The following SH3PXD2B variants were observed in gnomAD, a reference collection of about 807,000 sequenced individuals.
SH3PXD2B encodes SH3 and PX domain-containing protein 2B.
SH3PXD2B carries 37 observed loss-of-function variants against 73.1 expected under a neutral mutation model. The observed-to-expected ratio is 0.51, with a 90% CI of 0.39 to 0.67. The LOEUF (loss-of-function observed/expected upper bound fraction) is 0.67. Among genes scored for constraint, SH3PXD2B ranks in the 30% least tolerant of loss-of-function variants. SH3PXD2B has a pLI of 0.00. For missense variants in SH3PXD2B, 1,053 were observed against 1,197.8 expected, an observed-to-expected ratio of 0.88 and a Z score of 1.78; for synonymous variants, 457 against 480.5, an observed-to-expected ratio of 0.95 and a Z score of 0.64.
At chr5:172,414,629 C>G (rs1044012437) in intron 2 of SH3PXD2B, among the ~76,000 whole-genome samples, 3 of 152,132 alleles carry the variant, frequency 2.0e-5, no homozygotes, top group African/African-American at 4.8e-5. Context: ...ACTGCTCGAG[C>G]CGTAAGCCCC....
intron 12 of SH3PXD2B, among the ~76,000 whole-genome samples, 191 bp downstream of exon 12, chr5:172,345,945 C>A (rs1324085463): frequency 6.6e-6 from 1 of 152,082 alleles, no homozygotes; most frequent in South Asian, 2.1e-4. Flanking sequence ...GGTTGTGCAA[C>A]CCTGTGAATA....
intron 3 of SH3PXD2B, among the ~76,000 whole-genome samples, chr5:172,399,137 C>G (rs1483143178): frequency 6.6e-6 from 1 of 152,212 alleles, no homozygotes; most frequent in Non-Finnish European, 1.5e-5. Flanking sequence ...ACATTCCATA[C>G]TATGGCAAAT....
chr5:172,388,587 G>A (rs146772681), intron 4 of SH3PXD2B, among the ~76,000 whole-genome samples: 3 of 152,304 alleles, frequency 2.0e-5, no homozygotes, highest in African/African-American at 7.2e-5. Flanking sequence ...CAAGCATCAG[G>A]CTGCTGCTAT....
At chr5:172,358,695 T>C in intron 8 of SH3PXD2B, 78 bp downstream of exon 8, 1 of 1,312,882 alleles carries the variant, frequency 7.6e-7, no homozygotes, top group South Asian at 1.3e-5. Context: ...AAGAAGAGAT[T>C]GGATGAAAAG....
At chr5:172,388,938 G>C (rs1758112898) in intron 4 of SH3PXD2B, among the ~76,000 whole-genome samples, 1 of 152,244 alleles carries the variant, frequency 6.6e-6, no homozygotes, top group Non-Finnish European at 1.5e-5. Flanking sequence ...GCTGATGGCT[G>C]CCCCTTAGCC....
rs1756800608 is a variant in SH3PXD2B, at chr5:172,339,534, G to A, written c.1571C>T (p.Pro524Leu). Residue 524 changes from proline to leucine, a missense_variant, in exon 13 of 13, where the codon CCG becomes CTG. Physicochemically the swap from Pro to Leu is moderately conservative, Grantham distance 98. Transcript: ENST00000311601. This position sits in a 1 kb window ranked among gnomAD's most constrained non-coding sequence, Gnocchi z 6.1. ...PDMEEKPSLPPRKESIIKSEG... is the reference protein window; with the variant it reads ...PDMEEKPSLPLRKESIIKSEG... ...CGACTTGATGATGGATTCTTTCCGC[G>A]GAGGGAGGCTGGGCTTCTCCTCCAT... 7.4e-6 allele frequency: 12 copies of A among 1,614,052 alleles called. No homozygotes were observed. The highest frequency in any genetic ancestry group is 2.2e-5 in the East Asian group (1 of 44,884).
chr5:172,350,737 C>T, intron 9 of SH3PXD2B, 148 bp from the exon 10 acceptor site: 5 of 756,682 alleles, frequency 6.6e-6, no homozygotes, highest in Non-Finnish European at 1.1e-5. Context: ...ACACACTGTG[C>T]ATTTCCTCTT....
rs1000527973 is a variant in SH3PXD2B at position 172,337,769 on chromosome 5, C to G, written c.*600G>C. The G allele has an allele frequency of 1.7e-5, 17 of 995,880 alleles. No homozygotes were observed. The African/African-American group carries it at 3.0e-4, about 17-fold the overall frequency. The allele number at this position is 995,880 out of a possible 1,614,324, so 61.7% of individuals were successfully genotyped here. A position where few individuals can be genotyped will look rare whatever the true frequency, so the allele number is the denominator to read the frequency against. The stretch of plus-strand genomic sequence containing the variant: ...ATCTCCAGGCCCACTCCTGGGGGAG[C>G]CGCATCCAGTGGAACCTCAGAGGCC... On this transcript the variant is annotated 3_prime_UTR_variant, in exon 13 of 13. Transcript: ENST00000311601.
At chr5:172,371,685 G>C (rs1384588034) in intron 6 of SH3PXD2B, among the ~76,000 whole-genome samples, 1 of 152,162 alleles carries the variant, frequency 6.6e-6, no homozygotes, top group Non-Finnish European at 1.5e-5. Flanking sequence ...CCACAAATTA[G>C]AGCTTTTTCT....
At chr5:172,354,966 G>A (rs2113300744) in intron 8 of SH3PXD2B, among the ~76,000 whole-genome samples, 1 of 152,268 alleles carries the variant, frequency 6.6e-6, no homozygotes, top group South Asian at 2.1e-4. Flanking sequence ...CTGCACTCTG[G>A]CAGGGTGTCC....
intron 1 of SH3PXD2B, among the ~76,000 whole-genome samples, chr5:172,428,566 G>C (rs1466498089): frequency 6.6e-6 from 1 of 152,180 alleles, no homozygotes; most frequent in Non-Finnish European, 1.5e-5. Context: ...CACTCACACG[G>C]TATCAAAGTA....
chr5:172,344,536 T>TGAGATTGAGCC (rs1756938419), intron 12 of SH3PXD2B, among the ~76,000 whole-genome samples: 1 of 128,490 alleles, frequency 7.8e-6, no homozygotes, highest in Non-Finnish European at 1.5e-5. Context: ...TGCAGTGAGC[T>TGAGATTGAGCC]GAGATTGAGC....
At chr5:172,369,715 C>A (rs1006674676) in intron 6 of SH3PXD2B, among the ~76,000 whole-genome samples, 2 of 152,068 alleles carry the variant, frequency 1.3e-5, no homozygotes, top group African/African-American at 4.8e-5. Flanking sequence ...TTGCAGTGAG[C>A]CGAGATCGCA....
At chr5:172,357,414 ACT>A (rs1757305891) in intron 8 of SH3PXD2B, among the ~76,000 whole-genome samples, 1 of 151,222 alleles carries the variant, frequency 6.6e-6, no homozygotes, top group South Asian at 2.1e-4. Context: ...ACAGAGCAAG[ACT>A]CTGTCTCAAA....
intron 1 of SH3PXD2B, among the ~76,000 whole-genome samples, chr5:172,448,163 G>A (rs1310673707): frequency 1.3e-5 from 2 of 152,186 alleles, no homozygotes; most frequent in African/African-American, 2.4e-5. Flanking sequence ...CTTGCTCCCG[G>A]GGGCCTATCC....
chr5:172,407,766 G>C (rs764157247), intron 2 of SH3PXD2B, among the ~76,000 whole-genome samples: 34 of 152,332 alleles, frequency 2.2e-4, no homozygotes, highest in Non-Finnish European at 4.1e-4. Context: ...AAGTGGGAGA[G>C]AACAGAGATA....
chr5:172,432,609 A>C (rs1241336603), intron 1 of SH3PXD2B, among the ~76,000 whole-genome samples: 1 of 152,152 alleles, frequency 6.6e-6, no homozygotes, highest in Non-Finnish European at 1.5e-5. Flanking sequence ...AAATTCGCAA[A>C]CATGAAATCT....
At chr5:172,383,831 T>C (rs1757999825) in intron 4 of SH3PXD2B, among the ~76,000 whole-genome samples, 1 of 150,902 alleles carries the variant, frequency 6.6e-6, no homozygotes. Context: ...GAGATGTGTC[T>C]TGCATTTCCT....
rs184935538 is a variant in SH3PXD2B, at chr5:172,418,015, C to T, written c.156+4401G>A. ...TGTCTATGAATCTGCCTCTTTTGGA[C>T]ACAGATAAGTTTTAACTCACGAGAA... On this transcript the variant is annotated intron_variant, in intron 2 of 12. Coordinates refer to ENST00000311601, the MANE Select transcript of SH3PXD2B (RefSeq NM_001017995.3). Among the ~76,000 whole-genome samples, 150 of 152,250 alleles carry T rather than the reference C, an allele frequency of 9.9e-4. 2 individuals carry two copies. Among genetic ancestry groups the T allele is most frequent in the Non-Finnish European group, 1.3e-3 (91 of 68,028 alleles).
Sources: gnomAD v4.1 joint callset for allele counts (sites outside exome capture counted in the v4.1 genomes callset) on GRCh38, gnomAD v4.1.1 for gene constraint, Gnocchi (gnomAD v3.1) non-coding constraint, MANE v1.5 for transcripts, NCBI Gene and HGNC (gene_info 2026-07-23, HGNC 2026-07-21) for gene names.